The following CACNA1E variants were observed in gnomAD, a reference collection of about 807,000 sequenced individuals.
CACNA1E encodes the protein calcium voltage-gated channel subunit alpha1 E, also known as voltage-dependent R-type calcium channel subunit alpha-1E.
In CACNA1E, 40 loss-of-function variants were observed where a neutral mutation model predicts 259.2. The ratio of observed to expected loss-of-function variants is 0.15; its 90% CI spans 0.12 to 0.20. The LOEUF (loss-of-function observed/expected upper bound fraction) is 0.20, where lower values mean the gene tolerates loss of function less well. CACNA1E is among the 10% of genes least tolerant of loss of function. The pLI, the probability that CACNA1E is intolerant of heterozygous loss-of-function variation, is 1.00. For missense variants in CACNA1E, 1,874 were observed against 3,040.1 expected (o/e 0.62, Z 9.02); for synonymous variants, 1,104 against 1,138.5 (o/e 0.97, Z 0.61).
intron 3 of CACNA1E, among the ~76,000 whole-genome samples, chr1:181,519,872 G>T (rs1666864548): frequency 1.3e-5 from 2 of 152,178 alleles, no homozygotes; most frequent in South Asian, 4.1e-4. Context: ...GAATGACCTG[G>T]CGGCTCTGGG....
chr1:181,784,632 C>CTATT (rs758908543), intron 40 of CACNA1E, 29 bp from the exon 41 acceptor site: 1 of 1,448,652 alleles, frequency 6.9e-7, no homozygotes, highest in Admixed American at 2.0e-5. Flanking sequence ...TGGGTCTATT[C>CTATT]TATTTATTAG....
chr1:181,687,246 G>T (rs1019117258), intron 7 of CACNA1E, among the ~76,000 whole-genome samples: 2 of 152,122 alleles, frequency 1.3e-5, no homozygotes, highest in African/African-American at 4.8e-5. Flanking sequence ...GTCTTCTATT[G>T]GGATTTTCAT....
At chr1:181,674,748 C>T (rs934960855) in intron 7 of CACNA1E, among the ~76,000 whole-genome samples, 1 of 152,208 alleles carries the variant, frequency 6.6e-6, no homozygotes, top group Non-Finnish European at 1.5e-5. Context: ...AAGTCTCTCT[C>T]TACACCCCAG....
intron 3 of CACNA1E, among the ~76,000 whole-genome samples, chr1:181,557,555 C>G (rs1648864136): frequency 6.6e-6 from 1 of 152,204 alleles, no homozygotes. Flanking sequence ...AATGAACTTC[C>G]TTTTCACCCC....
intron 43 of CACNA1E, among the ~76,000 whole-genome samples, chr1:181,786,131 C>G (rs546910131): frequency 1.3e-5 from 2 of 152,252 alleles, no homozygotes; most frequent in African/African-American, 4.8e-5. Context: ...AGAACTACAA[C>G]TAATTCTTGA....
chr1:181,532,193 A>G (rs1182239747), intron 3 of CACNA1E, among the ~76,000 whole-genome samples: 1 of 151,704 alleles, frequency 6.6e-6, no homozygotes. Context: ...AAGTTGGAGG[A>G]CTCTATTTTC....
Position 181,737,602 on chromosome 1 carries a change from G to A in CACNA1E, c.3500G>A (p.Ser1167Asn). 6.2e-7 allele frequency: 1 copy of A among 1,613,800 alleles called. No homozygotes were observed. The highest frequency in any genetic ancestry group is 2.2e-5 in the East Asian group (1 of 44,902). The stretch of plus-strand genomic sequence containing the variant: ...ATCCTCCTGGTGATTGCAGCCAGCA[G>A]CATCGCCCTGGCGGCAGAGGACCCC... ...MCILLVIAASSIALAAEDPVL... is the reference protein window; with the variant it reads ...MCILLVIAASNIALAAEDPVL... The change falls in exon 23 of 48, where the codon AGC becomes AAC. Residue 1167 changes from serine (S) to asparagine (N), a missense_variant. This residue lies in a region of CACNA1E where 56 missense variants were observed against 97.4 expected (regional missense o/e 0.57). Coordinates refer to ENST00000367573, the MANE Select transcript of CACNA1E (RefSeq NM_001205293.3).
intron 1 of CACNA1E, among the ~76,000 whole-genome samples, chr1:181,340,054 CTT>C (rs10660034): frequency 1.4e-5 from 2 of 147,772 alleles, no homozygotes; most frequent in Middle Eastern, 3.3e-3. Flanking sequence ...AAAAATTATA[CTT>C]TTTTTTTTTA....
intron 3 of CACNA1E, among the ~76,000 whole-genome samples, chr1:181,573,419 G>A (rs1274610709): frequency 6.6e-6 from 1 of 152,188 alleles, no homozygotes; most frequent in Non-Finnish European, 1.5e-5. Context: ...AAGGCCCATA[G>A]TTTTGCTGAG....
At chr1:181,425,247 G>A (rs1659079718) in intron 2 of CACNA1E, among the ~76,000 whole-genome samples, 1 of 152,172 alleles carries the variant, frequency 6.6e-6, no homozygotes, top group South Asian at 2.1e-4. Context: ...AAGCCAGGAG[G>A]AGAAGGGCCT....
intron 1 of CACNA1E, 70 bp downstream of exon 1, chr1:181,484,080 C>T: frequency 6.8e-7 from 1 of 1,460,268 alleles, no homozygotes; most frequent in South Asian, 1.2e-5. Context: ...GGGTACCTAG[C>T]ATGGAATGTA....
chr1:181,437,619 C>T (rs959716659), intron 2 of CACNA1E, among the ~76,000 whole-genome samples: 3 of 152,162 alleles, frequency 2.0e-5, no homozygotes, highest in Non-Finnish European at 4.4e-5. Flanking sequence ...TCTCAGAGTA[C>T]TTAGACTCTC....
At chr1:181,605,764 T>C (rs1020370485) in intron 6 of CACNA1E, among the ~76,000 whole-genome samples, 4 of 152,148 alleles carry the variant, frequency 2.6e-5, no homozygotes, top group Admixed American at 6.5e-5. Flanking sequence ...GTCAAGGGAA[T>C]GGGGTACAGG....
At chr1:181,777,665 C>CT (rs771602436) in intron 38 of CACNA1E, among the ~76,000 whole-genome samples, 4 of 152,204 alleles carry the variant, frequency 2.6e-5, no homozygotes, top group Non-Finnish European at 4.4e-5. Context: ...CTCTGGGCTT[C>CT]TTTACCTGTA....
Position 181,805,657 on chromosome 1 carries a change from G to A in CACNA1E, c.*6823G>A, listed in dbSNP as rs530150780. 2 of 152,258 alleles carry A rather than the reference G, an allele frequency of 1.3e-5. No homozygotes were observed. The highest frequency in any genetic ancestry group is 2.1e-4 in the South Asian group (1 of 4,820). The allele number at this position is 152,258 out of a possible 1,614,324, so 9.4% of individuals were successfully genotyped here. The stretch of plus-strand genomic sequence containing the variant: ...CAGTGTTTTTCTATCATGTTGTTTT[G>A]TGAACAAGTCAAAATTTATACAAAG... On this transcript the variant is annotated 3_prime_UTR_variant, in exon 48 of 48. Coordinates refer to ENST00000367573, the MANE Select transcript of CACNA1E (RefSeq NM_001205293.3).
intron 3 of CACNA1E, among the ~76,000 whole-genome samples, chr1:181,541,195 C>T (rs896525642): frequency 3.9e-5 from 6 of 152,076 alleles, no homozygotes; most frequent in East Asian, 3.8e-4. Context: ...TCCTCCACTA[C>T]GCGGGCAAAA....
intron 40 of CACNA1E, 55 bp downstream of exon 40, chr1:181,783,839 C>A: frequency 9.0e-7 from 1 of 1,105,122 alleles, no homozygotes; most frequent in Non-Finnish European, 1.4e-6. Flanking sequence ...ACAACTCATG[C>A]AGGTGGCACA....
chr1:181,555,959 A>G (rs550800913), intron 3 of CACNA1E, among the ~76,000 whole-genome samples: 2 of 152,292 alleles, frequency 1.3e-5, no homozygotes, highest in South Asian at 4.1e-4. Context: ...ACTCTATATA[A>G]AGGCATGAAA....
At chr1:181,779,306 C>T (rs1178065686) in intron 38 of CACNA1E, 1 of 285,370 alleles carries the variant, frequency 3.5e-6, no homozygotes, top group African/African-American at 2.2e-5. Flanking sequence ...TTTTCAGTCT[C>T]TCCTGGTCTG....
Sources: gnomAD v4.1 joint callset for allele counts (sites outside exome capture counted in the v4.1 genomes callset) on GRCh38, gnomAD v4.1.1 for gene constraint, gnomAD v4.1.1 regional missense constraint, MANE v1.5 for transcripts, NCBI Gene and HGNC (gene_info 2026-07-23, HGNC 2026-07-21) for gene names.